Variants in CLCA1 observed in about 807,000 individuals in gnomAD.
The protein encoded by CLCA1 is chloride channel accessory 1.
A neutral mutation model predicts 85.6 loss-of-function variants in CLCA1; 59 were observed. The observed-to-expected ratio is 0.69, with a 90% CI of 0.56 to 0.86. The LOEUF (loss-of-function observed/expected upper bound fraction) is 0.86, where lower values mean the gene tolerates loss of function less well. CLCA1 is among the 40% of genes least tolerant of loss of function. The pLI is 0.00. For synonymous variants in CLCA1, 396 were observed against 398.3 expected, an observed-to-expected ratio of 0.99 and a Z score of 0.07; for missense variants, 1,022 against 1,101.4, an observed-to-expected ratio of 0.93 and a Z score of 1.02.
At position 86,470,929 on chromosome 1, in the gene CLCA1, T is replaced by A. The variant is rs565344605; in HGVS notation, c.162+1796T>A. Among the ~76,000 whole-genome samples the A allele has an allele frequency of 3.3e-5, 5 of 152,284 alleles. No individual in the cohort carries two copies. The East Asian group carries it at 9.7e-4, about 29-fold the overall frequency. On this transcript the variant is annotated intron_variant, in intron 1 of 13. Coordinates refer to ENST00000394711, the MANE Select transcript of CLCA1 (RefSeq NM_001285.4). ...TGCTTCAGCAGGACAGTCCCCAGATTTCCCCACCTACAAGAGCAGTTAATC... is the reference window on the plus strand; with the variant it reads ...TGCTTCAGCAGGACAGTCCCCAGATATCCCCACCTACAAGAGCAGTTAATC...
intron 12 of CLCA1, among the ~76,000 whole-genome samples, chr1:86,496,930 A>C (rs1648304306): frequency 6.6e-6 from 1 of 152,088 alleles, no homozygotes. Context: ...GGGTTTCACC[A>C]TGTTGGCCAG....
chr1:86,474,182 G>A (rs2101728488), intron 3 of CLCA1, among the ~76,000 whole-genome samples: 1 of 152,314 alleles, frequency 6.6e-6, no homozygotes, highest in South Asian at 2.1e-4. Context: ...CTATGGATAT[G>A]TAAGGAGACA....
intron 4 of CLCA1, among the ~76,000 whole-genome samples, chr1:86,479,094 C>T (rs1396943744): frequency 6.6e-6 from 1 of 152,170 alleles, no homozygotes; most frequent in African/African-American, 2.4e-5. Context: ...GAGAGAAAAT[C>T]ATTGTTATGC....
At chr1:86,478,430 GA>G (rs146814299) in intron 4 of CLCA1, among the ~76,000 whole-genome samples, 3 of 147,078 alleles carry the variant, frequency 2.0e-5, no homozygotes, top group African/African-American at 5.0e-5. Flanking sequence ...CCATCCCCCC[GA>G]AAAAAAAAAG....
rs1211007531 is a variant in CLCA1 at position 86,486,669 on chromosome 1, T to C, written c.1098T>C (p.Ser366=). 1.2e-6 allele frequency: 2 copies of C among 1,614,170 alleles called. No homozygotes were observed. The highest frequency in any genetic ancestry group is 2.2e-5 in the South Asian group (2 of 91,076). Residue 366 remains serine (S), a synonymous_variant, in exon 7 of 14, where the codon AGT becomes AGC. Coordinates refer to ENST00000394711, the MANE Select transcript of CLCA1 (RefSeq NM_001285.4). ...AACTCATACAGATAAACAGTGGCAG[T>C]GACAGGGACACACTCGCCAAAAGAT... ...QNELIQINSG[S]DRDTLAKRLP...
intron 12 of CLCA1, among the ~76,000 whole-genome samples, chr1:86,496,174 G>A (rs930349589): frequency 3.3e-5 from 5 of 152,208 alleles, no homozygotes; most frequent in Non-Finnish European, 7.3e-5. Context: ...CTGGTAAATA[G>A]TGTTTAATAA....
chr1:86,495,532 T>A lies in CLCA1; in HGVS notation c.1970T>A (p.Val657Asp), dbSNP rs147568987. 1.4e-5 allele frequency: 22 copies of A among 1,613,688 alleles called. No homozygotes were observed. Among genetic ancestry groups the A allele is most frequent in the Non-Finnish European group, 1.9e-5 (22 of 1,179,742 alleles). Residue 657 changes from valine (V) to aspartate (D), a missense_variant, in exon 12 of 14, where the codon GTC (valine) becomes GAC (aspartate). Coordinates refer to ENST00000394711, the MANE Select transcript of CLCA1 (RefSeq NM_001285.4). Reference sequence around the variant, plus strand: ...GCTGATGCTACTAAGGATGACGGTGTCTACTCAAGGTATTTCACAACTTAT... The same window carrying A: ...GCTGATGCTACTAAGGATGACGGTGACTACTCAAGGTATTTCACAACTTAT... ...AGADATKDDG[V>D]YSRYFTTYDT...
At position 86,476,557 on chromosome 1, in the gene CLCA1, T is replaced by C; in HGVS notation, c.557+4T>C. On this transcript the variant is annotated splice_donor_region_variant and intron_variant, in intron 4 of 13. Transcript: ENST00000394711. ...ATGGAAGAATACAAGCAGTAAGGTATGTATATTTTGATTTAACTTGTTCCA... is the reference window on the plus strand; with the variant it reads ...ATGGAAGAATACAAGCAGTAAGGTACGTATATTTTGATTTAACTTGTTCCA... 7.1e-7 allele frequency: 1 copy of C among 1,400,152 alleles called. No individual in the cohort carries two copies. The highest frequency in any genetic ancestry group is 1.0e-6 in the Non-Finnish European group (1 of 992,072). 86.7% of individuals were successfully genotyped at this position (1,400,152 alleles called of 1,614,324 possible). A position where few individuals can be genotyped will look rare whatever the true frequency, so the allele number is the denominator to read the frequency against.
intron 13 of CLCA1, among the ~76,000 whole-genome samples, chr1:86,499,112 A>G (rs1206934345): frequency 1.3e-5 from 2 of 152,170 alleles, no homozygotes; most frequent in Non-Finnish European, 2.9e-5. Context: ...ACTCCTGGGG[A>G]AGAACTGGAA....
In CLCA1 at chr1:86,473,711, CT is replaced by C; in HGVS notation, c.304-13del. ...TGCTGAAACTTTGTGATGATAGAAA[CT>C]TTTTCTTAAATTTCAGGCTGATGTT... On this transcript the variant is annotated splice_polypyrimidine_tract_variant and intron_variant, in intron 2 of 13. Coordinates refer to ENST00000394711, the MANE Select transcript of CLCA1 (RefSeq NM_001285.4). 2 of 1,558,068 alleles carry C rather than the reference CT, an allele frequency of 1.3e-6. No individual in the cohort carries two copies. The highest frequency in any genetic ancestry group is 1.7e-6 in the Non-Finnish European group (2 of 1,152,118).
chr1:86,485,948 G>A (rs1029131979), intron 6 of CLCA1, among the ~76,000 whole-genome samples: 8 of 151,968 alleles, frequency 5.3e-5, no homozygotes, highest in African/African-American at 1.2e-4. Context: ...AGTTCCACAC[G>A]GCTGGGGAGG....
rs767441214 is a variant in CLCA1, at chr1:86,488,999, A to C, written c.1186A>C (p.Ile396Leu). Residue 396 changes from isoleucine to leucine, a missense_variant, in exon 8 of 14, where the codon ATT (isoleucine) becomes CTT (leucine). By Grantham distance (5) the Ile-to-Leu change is conservative. Coordinates refer to ENST00000394711, the MANE Select transcript of CLCA1 (RefSeq NM_001285.4). ...GTGCCCTAAATTCTGTCCTTAGGTG[A>C]TTAGGAAGAAATATCCAACTGATGG... is the stretch of plus-strand genomic sequence containing the variant. The part of the protein sequence containing the change: ...CSGLRSAFTV[I>L]RKKYPTDGSE... The C allele has an allele frequency of 7.4e-6, 12 of 1,613,584 alleles. No homozygotes were observed. The highest frequency in any genetic ancestry group is 6.7e-5 in the East Asian group (3 of 44,872).
At chr1:86,492,604 T>G (rs910212976) in intron 9 of CLCA1, among the ~76,000 whole-genome samples, 13 of 152,240 alleles carry the variant, frequency 8.5e-5, no homozygotes, top group African/African-American at 2.4e-4. Context: ...GTGCTAACTC[T>G]GAGACAATAA....
intron 11 of CLCA1, among the ~76,000 whole-genome samples, 173 bp downstream of exon 11, chr1:86,494,621 A>C (rs868401248): frequency 4.6e-5 from 7 of 152,246 alleles, no homozygotes; most frequent in Admixed American, 6.5e-5. Context: ...AAAATGCTGG[A>C]AAACATGAGG....
intron 4 of CLCA1, among the ~76,000 whole-genome samples, chr1:86,480,713 A>C (rs1647794338): frequency 6.6e-6 from 1 of 152,232 alleles, no homozygotes; most frequent in African/African-American, 2.4e-5. Flanking sequence ...TGTAAATTTG[A>C]TAGGGATGAG....
chr1:86,497,423 T>C (rs969186454), intron 12 of CLCA1, among the ~76,000 whole-genome samples: 2 of 152,248 alleles, frequency 1.3e-5, no homozygotes, highest in Admixed American at 6.5e-5. Context: ...AAATTCTAAG[T>C]AATGCCATGT....
Position 86,476,545 on chromosome 1 carries a change from AGC to A in CLCA1, c.550_551del (p.Ala184SerfsTer30). On this transcript the variant is annotated frameshift_variant, in exon 4 of 14. Transcript: ENST00000394711. LOFTEE classifies it high-confidence loss of function. ...KFYLSNGRIQ[A>X]VRCSAGITGT... ...TCTACTTATCCAATGGAAGAATACA[AGC>A]AGTAAGGTATGTATATTTTGATTTA... The A allele has an allele frequency of 6.7e-7, 1 of 1,483,470 alleles. No homozygotes were observed. Among genetic ancestry groups the A allele is most frequent in the Non-Finnish European group, 9.4e-7 (1 of 1,061,806 alleles). 91.9% of individuals were successfully genotyped at this position (1,483,470 alleles called of 1,614,324 possible).
At chr1:86,469,196 A>G (rs1647430826) in intron 1 of CLCA1, 63 bp downstream of exon 1, 7 of 1,206,864 alleles carry the variant, frequency 5.8e-6, no homozygotes, top group Admixed American at 4.4e-5. Flanking sequence ...TAGAGAGAAC[A>G]TGAGTGCCCT....
At chr1:86,477,379 T>A (rs1345468801) in intron 4 of CLCA1, among the ~76,000 whole-genome samples, 1 of 152,172 alleles carries the variant, frequency 6.6e-6, no homozygotes, top group African/African-American at 2.4e-5. Context: ...CTCCTCCCAG[T>A]TTGAATTAAA....
Sources: gnomAD v4.1 joint callset for allele counts (sites outside exome capture counted in the v4.1 genomes callset) on GRCh38, gnomAD v4.1.1 for gene constraint, MANE v1.5 for transcripts, NCBI Gene and HGNC (gene_info 2026-07-23, HGNC 2026-07-21) for gene names.